The following SNAP91 variants were observed in gnomAD, a reference collection of about 807,000 sequenced individuals.
The protein encoded by SNAP91 is synaptosome associated protein 91.
SNAP91 carries 27 observed loss-of-function variants against 100.3 expected under a neutral mutation model. The ratio of observed to expected loss-of-function variants is 0.27; its 90% CI spans 0.20 to 0.37. SNAP91 has a LOEUF of 0.37. Ranked by LOEUF, SNAP91 falls within the 10% of genes least tolerant of loss-of-function variation. The probability of loss-of-function intolerance (pLI) is 1.00; values close to 1 mark genes in which losing one functional copy is unlikely to be tolerated. For synonymous variants in SNAP91, 404 were observed against 398.6 expected (o/e 1.01, Z -0.16); for missense variants, 986 against 1,123.7 (o/e 0.88, Z 1.75).
intron 2 of SNAP91, 110 bp from the exon 3 acceptor site, chr6:83,665,691 T>C (rs2098667983): frequency 1.1e-6 from 1 of 893,472 alleles, no homozygotes; most frequent in South Asian, 1.9e-5. Context: ...TAAAAGTACT[T>C]TGATAATAGC....
intron 8 of SNAP91, among the ~76,000 whole-genome samples, chr6:83,628,834 T>C (rs775208526): frequency 8.5e-5 from 13 of 152,070 alleles, no homozygotes; most frequent in Non-Finnish European, 1.3e-4. Context: ...CTGCTGACTA[T>C]TCCTTTTTGC....
intron 2 of SNAP91, among the ~76,000 whole-genome samples, chr6:83,697,760 G>A (rs2099238542): frequency 6.6e-6 from 1 of 152,090 alleles, no homozygotes; most frequent in Non-Finnish European, 1.5e-5. Context: ...AGTTTATTGG[G>A]TAAAAGTAAA....
At chr6:83,652,022 C>T (rs1311524205) in intron 7 of SNAP91, among the ~76,000 whole-genome samples, 1 of 152,076 alleles carries the variant, frequency 6.6e-6, no homozygotes, top group East Asian at 1.9e-4. Context: ...ACTACTCTTG[C>T]TTTATTTTGA....
At chr6:83,675,373 CATT>C (rs1035969270) in intron 2 of SNAP91, among the ~76,000 whole-genome samples, 1 of 152,086 alleles carries the variant, frequency 6.6e-6, no homozygotes, top group African/African-American at 2.4e-5. Context: ...TTCAAAGTAA[CATT>C]ATTTACTTTA....
Position 83,670,336 on chromosome 6 carries a change from A to G in SNAP91, c.131-4755T>C, listed in dbSNP as rs553774525. 3.3e-5 allele frequency among the ~76,000 whole-genome samples: 5 copies of G among 150,300 alleles called. No homozygotes were observed. The East Asian group carries it at 9.8e-4, about 29-fold the overall frequency. On this transcript the variant is annotated intron_variant, in intron 2 of 29. Transcript: ENST00000369694. ...CCTAATGACTATAATGGTGTTAAACATTTATGTCACGAGCTTTTCATTTGT... is the reference window on the plus strand; with the variant it reads ...CCTAATGACTATAATGGTGTTAAACGTTTATGTCACGAGCTTTTCATTTGT...
intron 26 of SNAP91, among the ~76,000 whole-genome samples, chr6:83,574,101 G>A (rs1813685397): frequency 6.6e-6 from 1 of 152,150 alleles, no homozygotes; most frequent in African/African-American, 2.4e-5. Context: ...GATGAATGAT[G>A]ATTAAGAATT....
chr6:83,582,905 G>A (rs1013915755), intron 22 of SNAP91, among the ~76,000 whole-genome samples: 5 of 152,174 alleles, frequency 3.3e-5, no homozygotes, highest in African/African-American at 4.8e-5. Context: ...ATGGCATCCT[G>A]TCTCTAGTCT....
At chr6:83,650,754 T>A (rs1585639422) in intron 7 of SNAP91, among the ~76,000 whole-genome samples, 1 of 152,302 alleles carries the variant, frequency 6.6e-6, no homozygotes, top group East Asian at 1.9e-4. Context: ...GTTTTGAGGT[T>A]AAGGTAATGC....
In SNAP91 at chr6:83,575,925, G is replaced by A. The variant is rs79446373; in HGVS notation, c.2330+98C>T. The stretch of plus-strand genomic sequence containing the variant: ...GAAATTATCTGAAATTATCTAGCAT[G>A]AGAATGAATAATTACTCCAATGAGT... On this transcript the variant is annotated intron_variant, in intron 25 of 29. Transcript: ENST00000369694. 8.6e-4 allele frequency: 579 copies of A among 673,676 alleles called. 5 individuals are homozygous for A. In the African/African-American group the frequency reaches 0.01, roughly 12 times the overall value. The allele number at this position is 673,676 out of a possible 1,614,324, so 41.7% of individuals were successfully genotyped here.
intron 4 of SNAP91, among the ~76,000 whole-genome samples, chr6:83,661,974 T>G (rs539996868): frequency 6.6e-6 from 1 of 152,166 alleles, no homozygotes; most frequent in Admixed American, 6.5e-5. Flanking sequence ...ATATGATAAA[T>G]GAACAAATGA....
chr6:83,602,337 T>C (rs1444794266), intron 14 of SNAP91, among the ~76,000 whole-genome samples: 1 of 152,104 alleles, frequency 6.6e-6, no homozygotes, highest in African/African-American at 2.4e-5. Flanking sequence ...GAAATAAAAA[T>C]GTGTGTTGGT....
intron 21 of SNAP91, among the ~76,000 whole-genome samples, chr6:83,591,809 GATGCT>G (rs1451493189): frequency 6.6e-6 from 1 of 152,150 alleles, no homozygotes; most frequent in African/African-American, 2.4e-5. Flanking sequence ...GAATGTCCAT[GATGCT>G]TCAATGTACA....
intron 2 of SNAP91, among the ~76,000 whole-genome samples, chr6:83,687,248 G>A (rs2099072558): frequency 6.6e-6 from 1 of 152,042 alleles, no homozygotes; most frequent in African/African-American, 2.4e-5. Flanking sequence ...TATGGTTTTA[G>A]TTATTCTTAC....
At chr6:83,637,842 G>A (rs537235326) in intron 8 of SNAP91, among the ~76,000 whole-genome samples, 1 of 152,196 alleles carries the variant, frequency 6.6e-6, no homozygotes, top group Non-Finnish European at 1.5e-5. Context: ...CACGATACTC[G>A]TGGGCAGTGT....
intron 26 of SNAP91, among the ~76,000 whole-genome samples, chr6:83,573,522 G>A (rs1420785040): frequency 2.6e-5 from 4 of 152,074 alleles, no homozygotes; most frequent in African/African-American, 7.2e-5. Context: ...GAACAAAGCT[G>A]GAGGCATCAC....
rs2128810555 is a variant in SNAP91, at chr6:83,669,943, G to A, written c.131-4362C>T. On this transcript the variant is annotated intron_variant, in intron 2 of 29. Coordinates refer to ENST00000369694, the MANE Select transcript of SNAP91 (RefSeq NM_001242792.2). ...CCAGTTTTTGGTGATTACAAATAAA[G>A]CTGCTATGAACATTTACATATATCT... is the stretch of plus-strand genomic sequence containing the variant. Among the ~76,000 whole-genome samples, 3 of 152,024 alleles carry A rather than the reference G, an allele frequency of 2.0e-5. No homozygotes were observed. In the Middle Eastern group the frequency reaches 0.01, roughly 517 times the overall value.
chr6:83,650,860 T>C (rs370096966), intron 7 of SNAP91, among the ~76,000 whole-genome samples: 1 of 152,214 alleles, frequency 6.6e-6, no homozygotes, highest in African/African-American at 2.4e-5. Flanking sequence ...AAATGCTTGG[T>C]AGAATTCACC....
At chr6:83,644,490 C>T (rs2097841596) in intron 7 of SNAP91, among the ~76,000 whole-genome samples, 1 of 152,110 alleles carries the variant, frequency 6.6e-6, no homozygotes, top group Non-Finnish European at 1.5e-5. Flanking sequence ...CTTTCTTTCA[C>T]AGTAAAGGTA....
chr6:83,594,981 T>A (rs2094292578), intron 16 of SNAP91, among the ~76,000 whole-genome samples: 1 of 152,206 alleles, frequency 6.6e-6, no homozygotes, highest in South Asian at 2.1e-4. Flanking sequence ...TAAGATTTTT[T>A]ATAATCTAGT....
Sources: gnomAD v4.1 joint callset for allele counts (sites outside exome capture counted in the v4.1 genomes callset) on GRCh38, gnomAD v4.1.1 for gene constraint, MANE v1.5 for transcripts, NCBI Gene and HGNC (gene_info 2026-07-23, HGNC 2026-07-21) for gene names.